SREBF2: variants seen among roughly 807,000 people sequenced by gnomAD.
SREBF2 encodes the protein sterol regulatory element-binding protein 2.
A neutral mutation model predicts 113.1 loss-of-function variants in SREBF2; 55 were observed. The ratio of observed to expected loss-of-function variants is 0.49; its 90% CI spans 0.39 to 0.61. The LOEUF (loss-of-function observed/expected upper bound fraction) is 0.61. Ranked by LOEUF, SREBF2 falls within the 20% of genes least tolerant of loss-of-function variation. The probability of loss-of-function intolerance (pLI) is 0.00; values close to 1 mark genes in which losing one functional copy is unlikely to be tolerated. For missense variants in SREBF2, 1,349 were observed against 1,487.4 expected, an observed-to-expected ratio of 0.91 and a Z score of 1.53; for synonymous variants, 593 against 605.7, an observed-to-expected ratio of 0.98 and a Z score of 0.31.
chr22:41,901,992 T>G (rs1448583622), intron 16 of SREBF2, among the ~76,000 whole-genome samples: 1 of 152,204 alleles, frequency 6.6e-6, no homozygotes, highest in Non-Finnish European at 1.5e-5. Context: ...AGCTTAGAAG[T>G]GCCAGGTTTT....
At chr22:41,877,120 G>A (rs922234124) in intron 7 of SREBF2, 109 bp from the exon 8 acceptor site, 31 of 1,152,716 alleles carry the variant, frequency 2.7e-5, no homozygotes, top group Admixed American at 1.8e-4. Context: ...TGAGTTAATC[G>A]ACTTGAATTT....
intron 1 of SREBF2, among the ~76,000 whole-genome samples, chr22:41,841,173 G>T (rs1435751608): frequency 1.3e-5 from 2 of 152,208 alleles, no homozygotes; most frequent in Non-Finnish European, 2.9e-5. Context: ...GGAGGTGGAG[G>T]TGGGAGAAGA....
At chr22:41,873,483 C>T (rs1038754731) in intron 4 of SREBF2, among the ~76,000 whole-genome samples, 2 of 152,170 alleles carry the variant, frequency 1.3e-5, no homozygotes, top group African/African-American at 4.8e-5. Flanking sequence ...AAGTGGTTAA[C>T]AGTTTGACAG....
intron 3 of SREBF2, 144 bp from the exon 4 acceptor site, chr22:41,870,745 A>C: frequency 8.3e-7 from 1 of 1,211,212 alleles, no homozygotes; most frequent in South Asian, 1.3e-5. Context: ...CCTCTATGAA[A>C]TTTCCTGTTC....
rs1173725736 is a variant in SREBF2 at position 41,866,983 on chromosome 22, A to C, written c.241A>C (p.Ser81Arg). The C allele has an allele frequency of 1.2e-6, 2 of 1,614,096 alleles. No homozygotes were observed. Among genetic ancestry groups the C allele is most frequent in the Non-Finnish European group, 1.7e-6 (2 of 1,180,042 alleles). ...CAGCAGCAATGGCAGGGGCAGCAGC[A>C]GCGGAGCTGTGGACCCTTCAGTGCA... The part of the protein sequence containing the change: ...SSSSNGRGSS[S>R]GAVDPSVQRS... Residue 81 changes from serine to arginine, a missense_variant, in exon 2 of 19, where the codon AGC becomes CGC. Transcript: ENST00000361204.
intron 4 of SREBF2, chr22:41,873,551 T>C: frequency 3.7e-6 from 2 of 537,214 alleles, no homozygotes; most frequent in South Asian, 2.1e-5. Flanking sequence ...TTAAAACATA[T>C]TTAGCCATGT....
chr22:41,858,408 C>T (rs910940810), intron 1 of SREBF2, among the ~76,000 whole-genome samples: 6 of 152,116 alleles, frequency 3.9e-5, no homozygotes, highest in African/African-American at 1.4e-4. Context: ...GTCAGTTCTG[C>T]TATAGTTCAT....
Position 41,868,603 on chromosome 22 carries a change from CT to C in SREBF2, c.539-7del, listed in dbSNP as rs904779271. 5.0e-6 allele frequency: 8 copies of C among 1,614,210 alleles called. No individual in the cohort carries two copies. The highest frequency in any genetic ancestry group is 5.9e-6 in the Non-Finnish European group (7 of 1,180,026). Reference sequence around the variant, plus strand: ...ATCTCTGTGCCTTCTTTCTCCTCTTCTCCCAAGTCCTTCAGCCTCAAGTCCA... The same window carrying C: ...ATCTCTGTGCCTTCTTTCTCCTCTTCCCCAAGTCCTTCAGCCTCAAGTCCA... On this transcript the variant is annotated splice_polypyrimidine_tract_variant and splice_region_variant and intron_variant, in intron 2 of 18. Coordinates refer to ENST00000361204, the MANE Select transcript of SREBF2 (RefSeq NM_004599.4).
chr22:41,885,075 A>G, intron 11 of SREBF2, 64 bp downstream of exon 11: 1 of 1,588,320 alleles, frequency 6.3e-7, no homozygotes, highest in Admixed American at 1.7e-5. Flanking sequence ...AGGAGTTAAG[A>G]TGCAGAAGCA....
At chr22:41,841,240 G>A (rs2076828110) in intron 1 of SREBF2, among the ~76,000 whole-genome samples, 1 of 152,184 alleles carries the variant, frequency 6.6e-6, no homozygotes, top group African/African-American at 2.4e-5. Context: ...ACTGCTCAGT[G>A]AGATGAAGCA....
At chr22:41,839,439 G>A (rs2076807393) in intron 1 of SREBF2, among the ~76,000 whole-genome samples, 1 of 152,142 alleles carries the variant, frequency 6.6e-6, no homozygotes, top group African/African-American at 2.4e-5. Context: ...CAATGCCACA[G>A]AGAACAACAA....
chr22:41,853,927 C>T (rs7291503), intron 1 of SREBF2, among the ~76,000 whole-genome samples: 16,335 of 150,604 alleles, frequency 0.11, 1,516 homozygotes, highest in African/African-American at 0.26. Flanking sequence ...CCCAGCTACT[C>T]GGGAGGCTGA....
chr22:41,865,981 A>C (rs1248005597), intron 1 of SREBF2, among the ~76,000 whole-genome samples: 2 of 152,164 alleles, frequency 1.3e-5, no homozygotes, highest in Non-Finnish European at 2.9e-5. Context: ...AGTGTTTCCA[A>C]GAATACCAAC....
At chr22:41,900,133 G>A (rs2077452581) in intron 15 of SREBF2, 197 bp from the exon 16 acceptor site, 1 of 1,476,936 alleles carries the variant, frequency 6.8e-7, no homozygotes, top group Non-Finnish European at 9.0e-7. Flanking sequence ...GTGCTAAAGG[G>A]TGGGGCGCTA....
At chr22:41,880,631 TG>T (rs1366309484) in intron 9 of SREBF2, 84 bp from the exon 10 acceptor site, 4 of 1,555,840 alleles carry the variant, frequency 2.6e-6, no homozygotes, top group African/African-American at 1.4e-5. Flanking sequence ...CTCTGATAAT[TG>T]GGGGCAGGGG....
chr22:41,833,240 G>A lies in SREBF2; in HGVS notation c.-31G>A. The stretch of plus-strand genomic sequence containing the variant: ...GCCCCCGCGTCTCCCTGAGCGGGAC[G>A]GCAGGGGGGGCTTCTGCGCTGAGCC... On this transcript the variant is annotated 5_prime_UTR_variant, in exon 1 of 19. Coordinates refer to ENST00000361204, the MANE Select transcript of SREBF2 (RefSeq NM_004599.4). The surrounding 1 kb of genome is among the most constrained non-coding windows in gnomAD (Gnocchi z 4.1). The A allele has an allele frequency of 3.3e-6, 5 of 1,506,360 alleles. No homozygotes were observed. Among genetic ancestry groups the A allele is most frequent in the African/African-American group, 1.4e-5 (1 of 69,592 alleles). The allele number at this position is 1,506,360 out of a possible 1,614,324, so 93.3% of individuals were successfully genotyped here.
chr22:41,878,659 G>A (rs2077219118), intron 9 of SREBF2: 2 of 1,303,320 alleles, frequency 1.5e-6, no homozygotes, highest in Non-Finnish European at 2.0e-6. Flanking sequence ...AAATCAACAG[G>A]GAGTTTACGG....
At chr22:41,866,228 G>A (rs963843592) in intron 1 of SREBF2, among the ~76,000 whole-genome samples, 3 of 152,168 alleles carry the variant, frequency 2.0e-5, no homozygotes, top group African/African-American at 7.2e-5. Flanking sequence ...TAGTACAAAG[G>A]TAGTTCCTTT....
intron 2 of SREBF2, among the ~76,000 whole-genome samples, chr22:41,868,229 G>A (rs575772042): frequency 6.0e-4 from 92 of 152,262 alleles, no homozygotes; most frequent in Middle Eastern, 3.4e-3. Context: ...GGAATGTAAA[G>A]GCAAAAAGCT....
Sources: gnomAD v4.1 joint callset for allele counts (sites outside exome capture counted in the v4.1 genomes callset) on GRCh38, gnomAD v4.1.1 for gene constraint, Gnocchi (gnomAD v3.1) non-coding constraint, MANE v1.5 for transcripts, NCBI Gene and HGNC (gene_info 2026-07-23, HGNC 2026-07-21) for gene names.